CCDC3: variants seen among roughly 807,000 people sequenced by gnomAD.
CCDC3 encodes the protein coiled-coil domain containing 3, also known as coiled-coil domain-containing protein 3.
A neutral mutation model predicts 21.4 loss-of-function variants in CCDC3; 24 were observed. The observed-to-expected ratio is 1.12, with a 90% confidence interval of 0.81 to 1.58. CCDC3 has a LOEUF of 1.58. Ranked by LOEUF, CCDC3 falls within the 40% of genes most tolerant of loss-of-function variation. The pLI is 0.00. For synonymous variants in CCDC3, 186 were observed against 166.0 expected, an observed-to-expected ratio of 1.12 and a Z score of -0.93; for missense variants, 425 against 360.9, an observed-to-expected ratio of 1.18 and a Z score of -1.44.
chr10:13,069,125 C>T (rs1195171724), intron 4 of CCDC3, among the ~76,000 whole-genome samples: 9 of 152,168 alleles, frequency 5.9e-5, no homozygotes, highest in Non-Finnish European at 1.5e-5. Flanking sequence ...CGTGGTGGCA[C>T]ATGCCTGTAA....
intron 2 of CCDC3, among the ~76,000 whole-genome samples, chr10:12,933,662 TAGCC>T (rs920350237): frequency 3.3e-5 from 5 of 152,110 alleles, no homozygotes. Context: ...TTCATCATGT[TAGCC>T]AGGCTGGTCT....
At chr10:13,007,146 T>C (rs924543400) in intron 5 of CCDC3, among the ~76,000 whole-genome samples, 3 of 152,218 alleles carry the variant, frequency 2.0e-5, no homozygotes, top group Non-Finnish European at 4.4e-5. Context: ...AAGGATGCAG[T>C]ACTTCCTTCA....
intron 2 of CCDC3, 114 bp downstream of exon 2, chr10:12,998,224 A>G (rs1422131148): frequency 8.6e-7 from 1 of 1,160,082 alleles, no homozygotes; most frequent in Non-Finnish European, 1.2e-6. Context: ...ATACGCTAAT[A>G]CTCTCTGATC....
At chr10:12,970,988 G>A (rs765581727) in intron 2 of CCDC3, among the ~76,000 whole-genome samples, 5 of 152,124 alleles carry the variant, frequency 3.3e-5, no homozygotes, top group African/African-American at 4.8e-5. Flanking sequence ...ACTTCTCAAC[G>A]TTCATTTTTT....
chr10:13,031,639 C>CA (rs202004183), intron 5 of CCDC3, among the ~76,000 whole-genome samples: 3,538 of 151,938 alleles, frequency 0.023, 45 homozygotes, highest in Middle Eastern at 0.048. Flanking sequence ...ATAGATGCAA[C>CA]AAAAAATGAT....
intron 2 of CCDC3, among the ~76,000 whole-genome samples, chr10:12,926,208 G>A (rs944148385): frequency 2.0e-5 from 3 of 152,214 alleles, no homozygotes; most frequent in Non-Finnish European, 4.4e-5. Context: ...GAAGACAGCT[G>A]GGATTTAGTG....
intron 2 of CCDC3, among the ~76,000 whole-genome samples, chr10:12,979,915 C>T (rs1835470438): frequency 6.6e-6 from 1 of 152,132 alleles, no homozygotes; most frequent in South Asian, 2.1e-4. Context: ...AAGCCCCATG[C>T]TAGTTTCTAC....
intron 5 of CCDC3, among the ~76,000 whole-genome samples, chr10:13,018,962 A>G (rs547255820): frequency 4.6e-5 from 7 of 151,946 alleles, no homozygotes; most frequent in Admixed American, 6.6e-5. Flanking sequence ...GGCCGGGCGC[A>G]GTGGCTCACG....
chr10:13,034,962 G>A (rs553129392), intron 5 of CCDC3, among the ~76,000 whole-genome samples: 196 of 151,494 alleles, frequency 1.3e-3, no homozygotes, highest in Admixed American at 4.1e-3. Context: ...GTAGGCAGAT[G>A]TTGCAGTGAG....
At chr10:13,074,325 A>AT (rs543893110) in intron 3 of CCDC3, among the ~76,000 whole-genome samples, 2 of 62,828 alleles carry the variant, frequency 3.2e-5, no homozygotes, top group African/African-American at 1.3e-4. Flanking sequence ...ATCCCGGCTA[A>AT]TTTTTTTTTT....
intron 2 of CCDC3, among the ~76,000 whole-genome samples, chr10:12,970,378 C>T (rs1195252597): frequency 6.6e-6 from 1 of 152,048 alleles, no homozygotes; most frequent in Non-Finnish European, 1.5e-5. Flanking sequence ...TGCTGTACAA[C>T]CCCATCGTAA....
intron 2 of CCDC3, among the ~76,000 whole-genome samples, chr10:12,942,014 C>G (rs1834839489): frequency 6.6e-6 from 1 of 152,158 alleles, no homozygotes. Flanking sequence ...CTATACCCTT[C>G]TTTCTTTCTT....
At chr10:13,072,472 A>G (rs893589131) in intron 4 of CCDC3, among the ~76,000 whole-genome samples, 2 of 152,160 alleles carry the variant, frequency 1.3e-5, no homozygotes, top group African/African-American at 4.8e-5. Context: ...CCACCCCACA[A>G]GTGTTTACAT....
chr10:12,904,638 G>A (rs138181797), intron 2 of CCDC3, among the ~76,000 whole-genome samples: 6 of 152,060 alleles, frequency 3.9e-5, no homozygotes, highest in East Asian at 3.9e-4. Flanking sequence ...CTCCAGTGAC[G>A]GGACAAATCC....
intron 1 of CCDC3, 91 bp from the exon 2 acceptor site, chr10:12,998,603 G>T: frequency 8.4e-7 from 1 of 1,195,756 alleles, no homozygotes; most frequent in Non-Finnish European, 1.2e-6. Flanking sequence ...CAACGGGCTT[G>T]CCAATTTCAC....
intron 4 of CCDC3, chr10:13,058,445 G>A (rs533999653): frequency 2.0e-5 from 15 of 760,778 alleles, no homozygotes; most frequent in Admixed American, 1.2e-4. Context: ...GTGTGCATAT[G>A]CTGCGCAGAC....
intron 5 of CCDC3, among the ~76,000 whole-genome samples, chr10:13,028,128 C>G (rs11258141): frequency 2.0e-5 from 3 of 152,096 alleles, no homozygotes; most frequent in Non-Finnish European, 4.4e-5. Flanking sequence ...ATTACAGCTC[C>G]CATAATCCCC....
At chr10:12,902,776 C>T (rs745553215) in intron 2 of CCDC3, among the ~76,000 whole-genome samples, 10 of 152,098 alleles carry the variant, frequency 6.6e-5, no homozygotes, top group Non-Finnish European at 1.3e-4. Context: ...CGACCATGGA[C>T]ACAGCTGTTC....
chr10:13,057,850 C>A, intron 4 of CCDC3: 1 of 385,334 alleles, frequency 2.6e-6, no homozygotes, highest in Non-Finnish European at 4.9e-6. Context: ...CATGGTACTC[C>A]AGCCCAGATG....
Sources: gnomAD v4.1 joint callset for allele counts (sites outside exome capture counted in the v4.1 genomes callset) on GRCh38, gnomAD v4.1.1 for gene constraint, MANE v1.5 for transcripts, NCBI Gene and HGNC (gene_info 2026-07-23, HGNC 2026-07-21) for gene names.